EYA4: variants seen among roughly 807,000 people sequenced by gnomAD.
EYA4 encodes EYA transcriptional coactivator and phosphatase 4, also known as protein phosphatase EYA4.
Under a neutral mutation model 87.9 loss-of-function variants are expected in EYA4, and 31 were observed. The observed-to-expected ratio is 0.35, with a 90% CI of 0.27 to 0.48. The LOEUF (loss-of-function observed/expected upper bound fraction) is 0.48, where lower values mean the gene tolerates loss of function less well. Ranked by LOEUF, EYA4 falls within the 20% of genes least tolerant of loss-of-function variation. The pLI, the probability that EYA4 is intolerant of heterozygous loss-of-function variation, is 0.99. For missense variants in EYA4, 678 were observed against 761.4 expected, an observed-to-expected ratio of 0.89 and a Z score of 1.29; for synonymous variants, 263 against 270.6, an observed-to-expected ratio of 0.97 and a Z score of 0.28.
rs75194234 is a variant in EYA4 at position 133,447,496 on chromosome 6, T to G, written c.209-615T>G. Among the ~76,000 whole-genome samples the G allele has an allele frequency of 2.5e-3, 385 of 152,316 alleles. 9 individuals carry two copies. In the East Asian group the frequency reaches 0.071, roughly 28 times the overall value. ...GACTGTATTTTAAATTATTCACAAT[T>G]TGAAATTTTGTAGATCCATCTAGCC... is the stretch of plus-strand genomic sequence containing the variant. On this transcript the variant is annotated intron_variant, in intron 4 of 19. Transcript: ENST00000355286.
chr6:133,501,629 G>A (rs1798121560), intron 13 of EYA4, among the ~76,000 whole-genome samples: 1 of 151,992 alleles, frequency 6.6e-6, no homozygotes, highest in African/African-American at 2.4e-5. Context: ...CATGGAGCTG[G>A]TCTGCCTTCT....
At chr6:133,451,465 A>G (rs1418864336) in intron 5 of EYA4, among the ~76,000 whole-genome samples, 1 of 152,208 alleles carries the variant, frequency 6.6e-6, no homozygotes, top group African/African-American at 2.4e-5. Flanking sequence ...GTCAGGATTC[A>G]TGATGAACTA....
intron 13 of EYA4, 52 bp from the exon 14 acceptor site, chr6:133,506,054 T>C: frequency 9.7e-7 from 1 of 1,032,012 alleles, no homozygotes; most frequent in Non-Finnish European, 1.5e-6. Context: ...ATATTTTTAA[T>C]AATAAGCGCT....
At chr6:133,380,702 A>G (rs1356849156) in intron 2 of EYA4, among the ~76,000 whole-genome samples, 1 of 151,928 alleles carries the variant, frequency 6.6e-6, no homozygotes, top group Non-Finnish European at 1.5e-5. Context: ...CTTTCCTTTT[A>G]ATTCTTGTTT....
intron 3 of EYA4, among the ~76,000 whole-genome samples, chr6:133,417,500 A>G (rs183748043): frequency 1.3e-5 from 2 of 152,290 alleles, no homozygotes; most frequent in Non-Finnish European, 2.9e-5. Flanking sequence ...TATATTCAAT[A>G]TATGTCAAGA....
intron 2 of EYA4, among the ~76,000 whole-genome samples, chr6:133,303,887 TTTAATATGAGA>T (rs145311700): frequency 0.11 from 16,572 of 152,166 alleles, 1,128 homozygotes; most frequent in East Asian, 0.15. Context: ...TGGCACTAAA[TTTAATATGAGA>T]TTATTAGCTC....
chr6:133,501,177 A>G (rs950757669), intron 13 of EYA4, among the ~76,000 whole-genome samples: 2 of 151,794 alleles, frequency 1.3e-5, no homozygotes, highest in Non-Finnish European at 2.9e-5. Flanking sequence ...GCTTCTCTGA[A>G]TTTGCTTTAA....
chr6:133,319,199 G>A (rs1161534867), intron 2 of EYA4, among the ~76,000 whole-genome samples: 1 of 152,132 alleles, frequency 6.6e-6, no homozygotes, highest in Admixed American at 6.5e-5. Flanking sequence ...CAACCCCAGG[G>A]CTTTGCTCCA....
intron 2 of EYA4, among the ~76,000 whole-genome samples, chr6:133,324,824 A>T (rs1272039487): frequency 6.6e-6 from 1 of 152,086 alleles, no homozygotes; most frequent in Non-Finnish European, 1.5e-5. Flanking sequence ...TATTTCAAAA[A>T]ATCAGATTAA....
At chr6:133,461,276 A>G (rs550771898) in intron 7 of EYA4, 96 bp downstream of exon 7, 40 of 884,282 alleles carry the variant, frequency 4.5e-5, no homozygotes, top group Non-Finnish European at 5.8e-5. Flanking sequence ...GATTACATAT[A>G]TAGATAAATA....
intron 13 of EYA4, among the ~76,000 whole-genome samples, chr6:133,484,831 A>G (rs1406420341): frequency 6.6e-6 from 1 of 152,194 alleles, no homozygotes; most frequent in Non-Finnish European, 1.5e-5. Flanking sequence ...ACACCTAAAT[A>G]TCCATGTTGC....
intron 14 of EYA4, among the ~76,000 whole-genome samples, chr6:133,506,689 A>G (rs1798660767): frequency 6.6e-6 from 1 of 152,234 alleles, no homozygotes; most frequent in Non-Finnish European, 1.5e-5. Flanking sequence ...TGATGCATTT[A>G]AATGCATTTA....
At chr6:133,501,870 TAGAC>T (rs1207093426) in intron 13 of EYA4, among the ~76,000 whole-genome samples, 2 of 152,226 alleles carry the variant, frequency 1.3e-5, no homozygotes, top group African/African-American at 2.4e-5. Context: ...CAGAGGCCCG[TAGAC>T]AGACAGTCTG....
chr6:133,501,250 G>A (rs908399382), intron 13 of EYA4, among the ~76,000 whole-genome samples: 8 of 151,710 alleles, frequency 5.3e-5, no homozygotes, highest in Non-Finnish European at 1.2e-4. Context: ...TTCTTTCATA[G>A]CTCATCACCA....
chr6:133,275,583 T>A (rs769204865), intron 2 of EYA4, among the ~76,000 whole-genome samples: 2 of 152,072 alleles, frequency 1.3e-5, no homozygotes, highest in Non-Finnish European at 2.9e-5. Context: ...TATTAGCTTA[T>A]GTGATCATGA....
At chr6:133,507,142 A>G (rs1040526987) in intron 14 of EYA4, 2 of 152,200 alleles carry the variant, frequency 1.3e-5, no homozygotes, top group East Asian at 1.9e-4. Flanking sequence ...TGGACTTTCC[A>G]TTAATTACTT....
chr6:133,406,940 G>A (rs1226428493), intron 3 of EYA4, among the ~76,000 whole-genome samples: 3 of 152,074 alleles, frequency 2.0e-5, no homozygotes, highest in East Asian at 1.9e-4. Context: ...TGTGTATATA[G>A]CATTTGTTTT....
intron 2 of EYA4, among the ~76,000 whole-genome samples, chr6:133,366,879 A>C (rs1425946584): frequency 1.3e-5 from 2 of 152,164 alleles, no homozygotes; most frequent in Admixed American, 1.3e-4. Flanking sequence ...TTCGTTCTCT[A>C]ATGCTTGCCA....
At chr6:133,416,923 G>A (rs549789489) in intron 3 of EYA4, among the ~76,000 whole-genome samples, 7 of 152,280 alleles carry the variant, frequency 4.6e-5, no homozygotes, top group East Asian at 1.9e-4. Context: ...CTGTGGTTAC[G>A]CCACTGTGGG....
Sources: allele counts gnomAD v4.1 joint callset (sites outside exome capture counted in the v4.1 genomes callset), GRCh38; gene constraint gnomAD v4.1.1; transcripts MANE v1.5; gene names NCBI Gene and HGNC (gene_info 2026-07-23, HGNC 2026-07-21).